The following TCF3 variants were observed in gnomAD, a reference collection of about 807,000 sequenced individuals.
TCF3 encodes the protein transcription factor E2-alpha.
TCF3 carries 54 observed loss-of-function variants against 72.3 expected under a neutral mutation model. The ratio of observed to expected loss-of-function variants is 0.75; its 90% CI spans 0.60 to 0.94. TCF3 has a LOEUF of 0.94. Among genes scored for constraint, TCF3 ranks in the 40% least tolerant of loss-of-function variants. The pLI is 0.00. For synonymous variants in TCF3, 525 were observed against 412.6 expected (o/e 1.27, Z -3.30); for missense variants, 1,078 against 934.4 (o/e 1.15, Z -2.00).
chr19:1,611,580 G>T lies in TCF3; in HGVS notation c.*127C>A. On this transcript the variant is annotated 3_prime_UTR_variant, in exon 19 of 19. Coordinates refer to ENST00000262965, the MANE Select transcript of TCF3 (RefSeq NM_003200.5). ...TCACTCCGAACCTTGTCAGGTTGGTGTTGGCTCGATGCTGACAACAGGTGT... is the reference window on the plus strand; with the variant it reads ...TCACTCCGAACCTTGTCAGGTTGGTTTTGGCTCGATGCTGACAACAGGTGT... The T allele has an allele frequency of 7.4e-7, 1 of 1,347,274 alleles. No individual in the cohort carries two copies. The highest frequency in any genetic ancestry group is 1.0e-6 in the Non-Finnish European group (1 of 1,004,756). 83.5% of individuals were successfully genotyped at this position (1,347,274 alleles called of 1,614,324 possible).
rs2061047255 is a variant in TCF3, at chr19:1,612,021, G to C, written c.1823-172C>G. Among the ~76,000 whole-genome samples, 4 of 151,982 alleles carry C rather than the reference G, an allele frequency of 2.6e-5. No homozygotes were observed. The South Asian group carries it at 8.3e-4, about 32-fold the overall frequency. ...TCCTTGAGAAGGCTGGGGGGATGGG[G>C]TGGAGGCTTGTAAAGAAGAGAGTGG... is the stretch of plus-strand genomic sequence containing the variant. On this transcript the variant is annotated intron_variant, in intron 18 of 18. Transcript: ENST00000262965.
chr19:1,631,944 GAC>G (rs999520907), intron 5 of TCF3, 92 bp downstream of exon 5: 1 of 1,550,596 alleles, frequency 6.4e-7, no homozygotes, highest in Non-Finnish European at 8.7e-7. Context: ...GAACGCTGGG[GAC>G]TTGCCTGGCG....
At chr19:1,629,596 A>G (rs2063448601) in intron 5 of TCF3, among the ~76,000 whole-genome samples, 1 of 151,988 alleles carries the variant, frequency 6.6e-6, no homozygotes, top group Non-Finnish European at 1.5e-5. Context: ...GCGAGCCCCC[A>G]GTGTGGAGGG....
intron 2 of TCF3, among the ~76,000 whole-genome samples, chr19:1,647,371 A>G (rs1223598368): frequency 3.3e-5 from 5 of 152,230 alleles, no homozygotes; most frequent in African/African-American, 1.2e-4. Flanking sequence ...GGGCTTTCTG[A>G]GGAGCAGCCA....
chr19:1,622,176 C>G lies in TCF3; in HGVS notation c.700G>C (p.Ala234Pro). The change falls in exon 10 of 19, where the codon GCG becomes CCG. Residue 234 changes from alanine to proline, a missense_variant. Physicochemically the swap from Ala to Pro is conservative, Grantham distance 27. Coordinates refer to ENST00000262965, the MANE Select transcript of TCF3 (RefSeq NM_003200.5). ...SAELWSPPGQ[A>P]GFGPMLGGGS... ...CCACCCAGCATGGGCCCGAAGCCCGCCTGGCCCGGGGGACTCCAGAGCTCG... is the reference window on the plus strand; with the variant it reads ...CCACCCAGCATGGGCCCGAAGCCCGGCTGGCCCGGGGGACTCCAGAGCTCG... 6.4e-7 allele frequency: 1 copy of G among 1,570,424 alleles called. No homozygotes were observed. Among genetic ancestry groups the G allele is most frequent in the Non-Finnish European group, 8.6e-7 (1 of 1,160,536 alleles).
At chr19:1,617,565 C>A (rs2061680192) in intron 16 of TCF3, among the ~76,000 whole-genome samples, 1 of 152,236 alleles carries the variant, frequency 6.6e-6, no homozygotes, top group Middle Eastern at 3.2e-3. Flanking sequence ...AGCAAACCAG[C>A]TGCCATCCCC....
At chr19:1,644,207 G>A (rs1031040611) in intron 3 of TCF3, among the ~76,000 whole-genome samples, 1 of 152,234 alleles carries the variant, frequency 6.6e-6, no homozygotes, top group Non-Finnish European at 1.5e-5. Context: ...TGAACCTGAC[G>A]ATGGAAGAGA....
chr19:1,646,384 G>C lies in TCF3; in HGVS notation c.116C>G (p.Ser39Cys). The change falls in exon 3 of 19, where the codon TCC (serine) becomes TGC (cysteine). Residue 39 changes from serine (S) to cysteine (C), a missense_variant. By Grantham distance (112) the Ser-to-Cys change is moderately radical (BLOSUM62 -1). Transcript: ENST00000262965. The part of the protein sequence containing the change: ...PVTNGKGRPA[S>C]LAGAQFGGSG... ...ACCTCCGAACTGCGCCCCGGCCAGG[G>C]AGGCGGGCCGGCCCTTCCCGTTGGT... The C allele has an allele frequency of 6.5e-7, 1 of 1,550,292 alleles. No homozygotes were observed. Among genetic ancestry groups the C allele is most frequent in the Non-Finnish European group, 8.7e-7 (1 of 1,146,698 alleles).
At chr19:1,627,461 C>A (rs954664192) in intron 5 of TCF3, 35 bp from the exon 6 acceptor site, 1 of 1,603,460 alleles carries the variant, frequency 6.2e-7, no homozygotes, top group Non-Finnish European at 8.5e-7. Context: ...TGGGAGGCGA[C>A]CCCAAGGAAC....
chr19:1,619,768 G>GGGGGGGGGGGC lies in TCF3; in HGVS notation c.1167+11_1167+12insGCCCCCCCCCC. 6.5e-7 allele frequency: 1 copy of GGGGGGGGGGGC among 1,534,930 alleles called. No individual in the cohort carries two copies. The highest frequency in any genetic ancestry group is 1.2e-5 in the South Asian group (1 of 83,824). On this transcript the variant is annotated intron_variant, in intron 14 of 18. Transcript: ENST00000262965. ...TCGGGGAAGGGTGGGGTGGGGCGGGGCAGGCACTCACCAGGCCGTGGAGAC... is the reference window on the plus strand; with the variant it reads ...TCGGGGAAGGGTGGGGTGGGGCGGGGGGGGGGGGGGCCAGGCACTCACCAGGCCGTGGAGAC...
intron 2 of TCF3, among the ~76,000 whole-genome samples, chr19:1,648,204 G>A (rs1426470773): frequency 6.6e-6 from 1 of 152,224 alleles, no homozygotes; most frequent in Non-Finnish European, 1.5e-5. Flanking sequence ...TCTGGTCCAG[G>A]GAAGTAAGTG....
chr19:1,632,371 GC>G lies in TCF3; in HGVS notation c.179del (p.Gly60AlafsTer61). ...LEDRPSSGSW[G>X]SGDQSSSSFD... is the part of the protein sequence containing the mutation. ...AGGAGGAGCTGCTCTGGTCGCCGCT[GC>G]CCCAGGAGCCTGAGCTGGGCCGGTC... is the stretch of plus-strand genomic sequence containing the variant. On this transcript the variant is annotated frameshift_variant, in exon 4 of 19. Coordinates refer to ENST00000262965, the MANE Select transcript of TCF3 (RefSeq NM_003200.5). LOFTEE classifies it high-confidence loss of function. 1 of 1,596,540 alleles carries G rather than the reference GC, an allele frequency of 6.3e-7. No homozygotes were observed. Among genetic ancestry groups the G allele is most frequent in the Non-Finnish European group, 8.5e-7 (1 of 1,172,136 alleles).
chr19:1,637,280 A>G (rs1681255282), intron 3 of TCF3, among the ~76,000 whole-genome samples: 1 of 146,422 alleles, frequency 6.8e-6, no homozygotes, highest in African/African-American at 2.7e-5. Flanking sequence ...AACCTCCTCC[A>G]CCAGAACCGG....
At chr19:1,647,077 A>G (rs952047051) in intron 2 of TCF3, among the ~76,000 whole-genome samples, 5 of 152,176 alleles carry the variant, frequency 3.3e-5, no homozygotes, top group African/African-American at 1.2e-4. Context: ...CGGGCCCGGC[A>G]GGAAGCTGGA....
At chr19:1,642,597 C>T (rs899121641) in intron 3 of TCF3, among the ~76,000 whole-genome samples, 2 of 152,140 alleles carry the variant, frequency 1.3e-5, no homozygotes, top group African/African-American at 4.8e-5. Flanking sequence ...AAGACCACCG[C>T]CCTCTATTAA....
At chr19:1,625,913 CGAA>C (rs1568397486) in intron 6 of TCF3, among the ~76,000 whole-genome samples, 1 of 152,202 alleles carries the variant, frequency 6.6e-6, no homozygotes, top group East Asian at 1.9e-4. Flanking sequence ...GCTGTTTTCA[CGAA>C]GAACGAAAGA....
chr19:1,633,507 T>C (rs1215851422), intron 3 of TCF3, among the ~76,000 whole-genome samples: 1 of 151,382 alleles, frequency 6.6e-6, no homozygotes, highest in Non-Finnish European at 1.5e-5. Context: ...TTCTTTCAAA[T>C]CGCATCCTTC....
In TCF3 at chr19:1,615,143, T is replaced by C. The variant is rs2061420796; in HGVS notation, c.1822+142A>G. 26 of 999,176 alleles carry C rather than the reference T, an allele frequency of 2.6e-5. No homozygotes were observed. The highest frequency in any genetic ancestry group is 3.6e-5 in the Non-Finnish European group (25 of 701,406). 61.9% of individuals were successfully genotyped at this position (999,176 alleles called of 1,614,324 possible). ...AGTCATGGCAATGCGGTCAGAGGGG[T>C]GAAGGGCACAGTCACTGCAAGGAGG... On this transcript the variant is annotated intron_variant, in intron 18 of 18. Coordinates refer to ENST00000262965, the MANE Select transcript of TCF3 (RefSeq NM_003200.5). This position sits in a 1 kb window ranked among gnomAD's most constrained non-coding sequence, Gnocchi z 7.3.
At chr19:1,613,675 C>G (rs1239368020) in intron 18 of TCF3, among the ~76,000 whole-genome samples, 1 of 152,166 alleles carries the variant, frequency 6.6e-6, no homozygotes, top group Admixed American at 6.5e-5. Flanking sequence ...GGACTCAAAT[C>G]AGGGCTCACA....
Sources: gnomAD v4.1 joint callset for allele counts (sites outside exome capture counted in the v4.1 genomes callset) on GRCh38, gnomAD v4.1.1 for gene constraint, Gnocchi (gnomAD v3.1) non-coding constraint, MANE v1.5 for transcripts, NCBI Gene and HGNC (gene_info 2026-07-23, HGNC 2026-07-21) for gene names.